PRICKLE1: variants seen among roughly 807,000 people sequenced by gnomAD.
The protein encoded by PRICKLE1 is prickle-like protein 1.
PRICKLE1 carries 14 observed loss-of-function variants against 70.2 expected under a neutral mutation model. That is an observed-to-expected ratio of 0.20 (90% confidence interval 0.13 to 0.31). The LOEUF (loss-of-function observed/expected upper bound fraction) is 0.31, where lower values mean the gene tolerates loss of function less well. Ranked by LOEUF, PRICKLE1 falls within the 10% of genes least tolerant of loss-of-function variation. The pLI is 1.00. For missense variants in PRICKLE1, 821 were observed against 1,026.2 expected (o/e 0.80, Z 2.73); for synonymous variants, 357 against 379.9 (o/e 0.94, Z 0.70).
intron 1 of PRICKLE1, among the ~76,000 whole-genome samples, chr12:42,493,856 TAAA>T (rs201413394): frequency 1.2e-5 from 1 of 80,648 alleles, no homozygotes; most frequent in Non-Finnish European, 2.6e-5. Context: ...AGACCGTGTC[TAAA>T]AAAAAAAAAA....
chr12:42,575,081 T>C (rs1387139826), intron 1 of PRICKLE1, among the ~76,000 whole-genome samples: 1 of 151,880 alleles, frequency 6.6e-6, no homozygotes, highest in Non-Finnish European at 1.5e-5. Flanking sequence ...AAAAGCATAA[T>C]ATTCATTACA....
At chr12:42,531,279 C>A (rs1414110726) in intron 1 of PRICKLE1, among the ~76,000 whole-genome samples, 2 of 151,888 alleles carry the variant, frequency 1.3e-5, no homozygotes, top group African/African-American at 2.4e-5. Flanking sequence ...ATCTCCTGAC[C>A]TTGTGATCCA....
rs769599129 is a variant in PRICKLE1, at chr12:42,460,320, T to C, written c.1985A>G (p.Asn662Ser). 47 of 1,614,020 alleles carry C rather than the reference T, an allele frequency of 2.9e-5. No homozygotes were observed. Among genetic ancestry groups the C allele is most frequent in the Non-Finnish European group, 3.6e-5 (43 of 1,180,032 alleles). The change falls in exon 8 of 8, where the codon AAT (asparagine) becomes AGT (serine). Residue 662 changes from asparagine (N) to serine (S), a missense_variant. Physicochemically the swap from Asn to Ser is conservative, Grantham distance 46. Transcript: ENST00000345127. The part of the protein sequence containing the change: ...MSERTRRRVY[N>S]FEERGSRSHH... ...AGACCTGGATCCCCTCTCTTCAAAA[T>C]TGTAGACGCGTCTCCGAGTCCTTTC...
chr12:42,545,714 G>T (rs1940195429), intron 1 of PRICKLE1, among the ~76,000 whole-genome samples: 1 of 152,108 alleles, frequency 6.6e-6, no homozygotes, highest in Non-Finnish European at 1.5e-5. Flanking sequence ...GCTGGGCATG[G>T]TGGCATGTGC....
chr12:42,474,200 A>AG, intron 1 of PRICKLE1, among the ~76,000 whole-genome samples: 1 of 152,110 alleles, frequency 6.6e-6, no homozygotes, highest in East Asian at 1.9e-4. Flanking sequence ...TGAAACCGGG[A>AG]GGCGGAGGTT....
intron 1 of PRICKLE1, among the ~76,000 whole-genome samples, chr12:42,586,215 T>C (rs1332451657): frequency 1.3e-5 from 2 of 152,176 alleles, no homozygotes; most frequent in Non-Finnish European, 2.9e-5. Context: ...TACATAGATT[T>C]AGGCAATCTT....
intron 1 of PRICKLE1, among the ~76,000 whole-genome samples, chr12:42,501,692 A>C (rs1490544288): frequency 2.0e-5 from 3 of 152,110 alleles, no homozygotes; most frequent in African/African-American, 7.2e-5. Flanking sequence ...AGGCAAATTA[A>C]AATCTACTAC....
chr12:42,489,996 A>G (rs1365265823), intron 1 of PRICKLE1: 1 of 152,186 alleles, frequency 6.6e-6, no homozygotes, highest in Non-Finnish European at 1.5e-5. Context: ...GAGACTTCGC[A>G]TTCTAAATCC....
chr12:42,540,720 G>A (rs1453971569), intron 1 of PRICKLE1, among the ~76,000 whole-genome samples: 2 of 151,942 alleles, frequency 1.3e-5, no homozygotes, highest in South Asian at 2.1e-4. Context: ...GCACCACCAC[G>A]CTGGCTAATT....
intron 1 of PRICKLE1, among the ~76,000 whole-genome samples, chr12:42,528,795 T>A (rs1566114739): frequency 2.6e-5 from 4 of 152,168 alleles, no homozygotes. Context: ...AGAAAAATAA[T>A]CACATATATA....
At chr12:42,522,376 A>C (rs1463532910) in intron 1 of PRICKLE1, among the ~76,000 whole-genome samples, 1 of 152,168 alleles carries the variant, frequency 6.6e-6, no homozygotes, top group African/African-American at 2.4e-5. Context: ...AGCTGGGACT[A>C]TAGGCACACA....
intron 1 of PRICKLE1, among the ~76,000 whole-genome samples, chr12:42,510,150 A>T (rs889576600): frequency 5.3e-5 from 8 of 151,604 alleles, no homozygotes; most frequent in Admixed American, 5.2e-4. Context: ...GCTGGAGTGC[A>T]GTGGCGCCAT....
intron 1 of PRICKLE1, among the ~76,000 whole-genome samples, chr12:42,515,052 G>GA (rs1366694253): frequency 6.6e-6 from 1 of 151,688 alleles, no homozygotes; most frequent in African/African-American, 2.4e-5. Context: ...TTAGCTTCCT[G>GA]AGTACCTGGG....
intron 1 of PRICKLE1, among the ~76,000 whole-genome samples, chr12:42,532,530 C>T (rs983946237): frequency 2.0e-5 from 3 of 152,160 alleles, no homozygotes; most frequent in African/African-American, 7.2e-5. Flanking sequence ...TTATTTAGCT[C>T]AACTTATTTG....
chr12:42,552,544 C>G (rs1940335007), intron 1 of PRICKLE1, among the ~76,000 whole-genome samples: 1 of 152,220 alleles, frequency 6.6e-6, no homozygotes, highest in Non-Finnish European at 1.5e-5. Context: ...ATTGTCATTA[C>G]AGCCAAAGTC....
chr12:42,546,409 ACT>A (rs539978032), intron 1 of PRICKLE1, among the ~76,000 whole-genome samples: 4 of 152,142 alleles, frequency 2.6e-5, no homozygotes, highest in African/African-American at 9.7e-5. Context: ...CTTAATGCTG[ACT>A]CTCTATGCTA....
chr12:42,554,079 G>T lies in PRICKLE1; in HGVS notation c.-49+35386C>A, dbSNP rs540331571. Among the ~76,000 whole-genome samples, 3 of 152,260 alleles carry T rather than the reference G, an allele frequency of 2.0e-5. No individual in the cohort carries two copies. In the East Asian group the frequency reaches 5.8e-4, roughly 29 times the overall value. On this transcript the variant is annotated intron_variant, in intron 1 of 7. Coordinates refer to ENST00000345127, the MANE Select transcript of PRICKLE1 (RefSeq NM_153026.3). ...AGATCCCACCATTGCACTCCAGCCT[G>T]GGCGACAAGAGTGAGACTCTGTCTC...
At chr12:42,495,757 T>A (rs1394066702) in intron 1 of PRICKLE1, among the ~76,000 whole-genome samples, 1 of 150,862 alleles carries the variant, frequency 6.6e-6, no homozygotes, top group East Asian at 2.0e-4. Context: ...CCCTGCTAAT[T>A]TTTTTTTTGT....
chr12:42,488,625 T>G (rs1939031098), intron 1 of PRICKLE1, among the ~76,000 whole-genome samples: 1 of 152,188 alleles, frequency 6.6e-6, no homozygotes, highest in Non-Finnish European at 1.5e-5. Flanking sequence ...ACCAAAATGT[T>G]AAGAAACTAA....
Sources: allele counts gnomAD v4.1 joint callset (sites outside exome capture counted in the v4.1 genomes callset), GRCh38; gene constraint gnomAD v4.1.1; transcripts MANE v1.5; gene names NCBI Gene and HGNC (gene_info 2026-07-23, HGNC 2026-07-21).